The following DENND4C variants were observed in gnomAD, a reference collection of about 807,000 sequenced individuals.
DENND4C encodes DENN domain-containing protein 4C.
DENND4C carries 108 observed loss-of-function variants against 203.0 expected under a neutral mutation model. That is an observed-to-expected ratio of 0.53 (90% CI 0.46 to 0.62). The LOEUF is 0.62. DENND4C is among the 20% of genes least tolerant of loss of function. DENND4C has a pLI of 0.00. For synonymous variants in DENND4C, 871 were observed against 792.4 expected, an observed-to-expected ratio of 1.10 and a Z score of -1.67; for missense variants, 2,481 against 2,301.2, an observed-to-expected ratio of 1.08 and a Z score of -1.60.
At chr9:19,257,641 T>C (rs908286576) in intron 1 of DENND4C, among the ~76,000 whole-genome samples, 2 of 152,148 alleles carry the variant, frequency 1.3e-5, no homozygotes, top group African/African-American at 4.8e-5. Context: ...GTTAAACTTC[T>C]AACCAGGCTG....
intron 30 of DENND4C, among the ~76,000 whole-genome samples, chr9:19,365,881 A>G (rs1267110543): frequency 1.3e-5 from 2 of 152,090 alleles, no homozygotes; most frequent in African/African-American, 4.8e-5. Flanking sequence ...GAAATGCAAA[A>G]CTTACACTCC....
At chr9:19,366,905 T>TGAAA (rs961381267) in intron 30 of DENND4C, among the ~76,000 whole-genome samples, 3 of 152,050 alleles carry the variant, frequency 2.0e-5, no homozygotes, top group African/African-American at 7.2e-5. Context: ...ATCAAAAAAG[T>TGAAA]GAAAGGTCAA....
At chr9:19,286,253 A>G (rs529721341) in intron 2 of DENND4C, among the ~76,000 whole-genome samples, 15 of 152,140 alleles carry the variant, frequency 9.9e-5, no homozygotes, top group Non-Finnish European at 2.1e-4. Context: ...TCATTAATCT[A>G]TTTGAGGGTA....
intron 1 of DENND4C, among the ~76,000 whole-genome samples, chr9:19,256,853 G>A (rs966069613): frequency 1.3e-5 from 2 of 151,644 alleles, no homozygotes; most frequent in Non-Finnish European, 2.9e-5. Flanking sequence ...GGTGGATCAC[G>A]AGGTCTGGAG....
intron 9 of DENND4C, among the ~76,000 whole-genome samples, chr9:19,303,282 A>G (rs1049000860): frequency 6.6e-6 from 1 of 152,080 alleles, no homozygotes; most frequent in Non-Finnish European, 1.5e-5. Context: ...GTAGTATAAT[A>G]TTTTATTCCT....
Position 19,237,283 on chromosome 9 carries a change from T to C in DENND4C, c.-18+6450T>C, listed in dbSNP as rs1377388623. 2.6e-5 allele frequency among the ~76,000 whole-genome samples: 4 copies of C among 151,854 alleles called. 1 individual carries two copies. ...ATCCGCCCACCTTGGCCTTCCAGAG[T>C]GCTGGGATTACAGGCGTGAGCCACC... is the stretch of plus-strand genomic sequence containing the variant. On this transcript the variant is annotated intron_variant, in intron 1 of 32. Transcript: ENST00000434457.
chr9:19,371,122 CT>C (rs34439366), intron 31 of DENND4C, among the ~76,000 whole-genome samples: 1 of 151,898 alleles, frequency 6.6e-6, no homozygotes, highest in Non-Finnish European at 1.5e-5. Context: ...AGCCTTACGT[CT>C]TTTTTTTCTC....
chr9:19,261,130 A>T (rs530627169), intron 1 of DENND4C, among the ~76,000 whole-genome samples: 109 of 152,102 alleles, frequency 7.2e-4, no homozygotes, highest in African/African-American at 2.6e-3. Context: ...CCTTTCCTCA[A>T]TGTCTGTTCC....
In DENND4C at chr9:19,230,701, C is replaced by T. The variant is rs1820278288; in HGVS notation, c.-150C>T. The T allele has an allele frequency of 6.6e-6, 1 of 152,182 alleles. No individual in the cohort carries two copies. The highest frequency in any genetic ancestry group is 2.4e-5 in the African/African-American group (1 of 41,452). 9.4% of individuals were successfully genotyped at this position (152,182 alleles called of 1,614,324 possible). On this transcript the variant is annotated 5_prime_UTR_variant, in exon 1 of 33. Coordinates refer to ENST00000434457, the MANE Select transcript of DENND4C (RefSeq NM_001330640.2). ...CGAGGCGGCGCAGGCGCAGACCGGA[C>T]TGAGGCGGCGGCGGCCGCTGGAGCT...
chr9:19,351,787 A>T (rs1317094280), intron 24 of DENND4C, among the ~76,000 whole-genome samples: 1 of 151,432 alleles, frequency 6.6e-6, no homozygotes, highest in East Asian at 1.9e-4. Flanking sequence ...AGCCTGGGCA[A>T]CAGAGCGAGA....
intron 1 of DENND4C, among the ~76,000 whole-genome samples, chr9:19,259,281 A>G (rs1828764701): frequency 6.6e-6 from 1 of 151,684 alleles, no homozygotes; most frequent in Admixed American, 6.6e-5. Context: ...GATAGCTATT[A>G]TTCTATTTTC....
At chr9:19,349,945 TCTGA>T (rs1374490506) in intron 23 of DENND4C, among the ~76,000 whole-genome samples, 2 of 152,226 alleles carry the variant, frequency 1.3e-5, no homozygotes, top group Non-Finnish European at 2.9e-5. Context: ...GATTATATTC[TCTGA>T]CTGTTGATAT....
At chr9:19,295,073 A>T (rs1837152419) in intron 5 of DENND4C, among the ~76,000 whole-genome samples, 1 of 152,216 alleles carries the variant, frequency 6.6e-6, no homozygotes, top group African/African-American at 2.4e-5. Flanking sequence ...TTTCACCCCA[A>T]TTAAAAAAAA....
chr9:19,254,395 T>C (rs1827413979), intron 1 of DENND4C, among the ~76,000 whole-genome samples: 1 of 152,190 alleles, frequency 6.6e-6, no homozygotes, highest in African/African-American at 2.4e-5. Flanking sequence ...CACAGCAGAA[T>C]ACTATTTAGC....
intron 18 of DENND4C, 33 bp downstream of exon 18, chr9:19,335,138 GT>G: frequency 6.9e-7 from 1 of 1,442,660 alleles, no homozygotes; most frequent in Non-Finnish European, 9.2e-7. Flanking sequence ...AAGATGTGGT[GT>G]TTATTAAGAA....
chr9:19,352,395 C>G (rs1824349840), intron 25 of DENND4C, 95 bp from the exon 26 acceptor site: 1 of 1,265,810 alleles, frequency 7.9e-7, no homozygotes, highest in South Asian at 1.6e-5. Flanking sequence ...CAAATTTGAT[C>G]AGTAGAATAA....
intron 8 of DENND4C, among the ~76,000 whole-genome samples, chr9:19,299,553 A>G (rs1405666230): frequency 6.6e-6 from 1 of 152,138 alleles, no homozygotes. Flanking sequence ...TCCCCTTCCC[A>G]TATCCAGTTC....
chr9:19,327,709 A>T (rs575974076), intron 15 of DENND4C, among the ~76,000 whole-genome samples: 1 of 152,110 alleles, frequency 6.6e-6, no homozygotes, highest in South Asian at 2.1e-4. Context: ...AAGTATACTA[A>T]AATTTTTTTA....
chr9:19,335,183 A>C (rs532038880), intron 18 of DENND4C, 78 bp downstream of exon 18: 2 of 1,068,720 alleles, frequency 1.9e-6, no homozygotes, highest in Non-Finnish European at 2.5e-6. Flanking sequence ...TATTCATGAA[A>C]CTCCTATTAA....
Sources: gnomAD v4.1 joint callset for allele counts (sites outside exome capture counted in the v4.1 genomes callset) on GRCh38, gnomAD v4.1.1 for gene constraint, MANE v1.5 for transcripts, NCBI Gene and HGNC (gene_info 2026-07-23, HGNC 2026-07-21) for gene names.